ZFHX4: variants seen among roughly 807,000 people sequenced by gnomAD.
ZFHX4 encodes zinc finger homeobox protein 4.
In ZFHX4, 56 loss-of-function variants were observed where a neutral mutation model predicts 267.6. That is an observed-to-expected ratio of 0.21 (90% CI 0.17 to 0.26). ZFHX4 has a LOEUF of 0.26. Ranked by LOEUF, ZFHX4 falls within the 10% of genes least tolerant of loss-of-function variation. The pLI is 1.00. For missense variants in ZFHX4, 4,332 were observed against 4,420.0 expected, an observed-to-expected ratio of 0.98 and a Z score of 0.56; for synonymous variants, 1,778 against 1,665.6, an observed-to-expected ratio of 1.07 and a Z score of -1.64.
At chr8:76,804,482 C>T (rs1273472778) in intron 4 of ZFHX4, among the ~76,000 whole-genome samples, 2 of 151,986 alleles carry the variant, frequency 1.3e-5, no homozygotes, top group Non-Finnish European at 2.9e-5. Context: ...TAAATACTTC[C>T]ACTTAAAACA....
At chr8:76,766,411 G>A (rs904816965) in intron 3 of ZFHX4, among the ~76,000 whole-genome samples, 5 of 152,014 alleles carry the variant, frequency 3.3e-5, no homozygotes, top group Non-Finnish European at 5.9e-5. Context: ...TATTTAAAAC[G>A]ATCTGTTCCA....
intron 3 of ZFHX4, among the ~76,000 whole-genome samples, chr8:76,721,094 T>G (rs1351119751): frequency 6.6e-6 from 1 of 152,102 alleles, no homozygotes; most frequent in East Asian, 1.9e-4. Flanking sequence ...GAGGGGGACA[T>G]GTATCTCCTG....
chr8:76,718,935 T>TCACACACACACACA (rs34486060), intron 3 of ZFHX4, among the ~76,000 whole-genome samples: 15 of 141,370 alleles, frequency 1.1e-4, no homozygotes, highest in Non-Finnish European at 1.4e-4. Context: ...CTGAAATTGA[T>TCACACACACACACA]CACACACACA....
intron 4 of ZFHX4, among the ~76,000 whole-genome samples, chr8:76,822,452 C>CTTTTTTT (rs5892566): frequency 1.0e-4 from 12 of 116,132 alleles, no homozygotes; most frequent in African/African-American, 2.6e-4. Flanking sequence ...GTGTCTACCT[C>CTTTTTTT]TTTTTTTTTT....
At chr8:76,687,639 A>G (rs1807724874) in intron 1 of ZFHX4, among the ~76,000 whole-genome samples, 1 of 152,184 alleles carries the variant, frequency 6.6e-6, no homozygotes, top group African/African-American at 2.4e-5. Context: ...GGTTAACATA[A>G]TCATATTTAA....
chr8:76,736,973 C>T (rs192853087), intron 3 of ZFHX4, among the ~76,000 whole-genome samples: 13 of 152,166 alleles, frequency 8.5e-5, no homozygotes, highest in African/African-American at 3.1e-4. Context: ...CAAACATGAG[C>T]ATTTAACCTA....
At chr8:76,713,270 G>GATAGAA (rs1563478848) in intron 3 of ZFHX4, among the ~76,000 whole-genome samples, 6 of 130,776 alleles carry the variant, frequency 4.6e-5, no homozygotes, top group African/African-American at 1.9e-4. Flanking sequence ...AAAGGATAGA[G>GATAGAA]AGATAGATAG....
chr8:76,704,814 C>T lies in ZFHX4; in HGVS notation c.726C>T (p.Thr242=). 6.2e-7 allele frequency: 1 copy of T among 1,614,112 alleles called. No individual in the cohort carries two copies. The highest frequency in any genetic ancestry group is 1.7e-5 in the Admixed American group (1 of 60,010). ...ACAAGAGAGAGAAAGACTATCTAACCAGTGATGGCTCAGCCAAAAACTCCT... is the reference window on the plus strand; with the variant it reads ...ACAAGAGAGAGAAAGACTATCTAACTAGTGATGGCTCAGCCAAAAACTCCT... ...LRHKREKDYL[T]SDGSAKNSCV... The change falls in exon 2 of 11, where the codon ACC becomes ACT. Residue 242 remains threonine (T), a synonymous_variant. Transcript: ENST00000651372.
Position 76,856,289 on chromosome 8 carries a change from A to G in ZFHX4, c.9368A>G (p.Gln3123Arg), listed in dbSNP as rs1484758590. 9.9e-6 allele frequency: 16 copies of G among 1,613,772 alleles called. No homozygotes were observed. The highest frequency in any genetic ancestry group is 1.2e-5 in the Non-Finnish European group (14 of 1,179,850). ...NGPSSLPGFP[Q>R]NSNTLTPPGA... Reference sequence around the variant, plus strand: ...CCATCCTCCTTGCCGGGATTTCCACAAAATTCAAACAGTAAGTCATTTAAA... The same window carrying G: ...CCATCCTCCTTGCCGGGATTTCCACGAAATTCAAACAGTAAGTCATTTAAA... Residue 3123 changes from glutamine (Q) to arginine (R), a missense_variant, in exon 10 of 11, where the codon CAA becomes CGA. Physicochemically the swap from Gln to Arg is conservative, Grantham distance 43. This residue lies in a region of ZFHX4 where 1,648 missense variants were observed against 1,625.0 expected (regional missense o/e 1.01). Transcript: ENST00000651372.
In ZFHX4 at chr8:76,853,334, A is replaced by G. The variant is rs1406925919; in HGVS notation, c.6413A>G (p.Asp2138Gly). Reference protein sequence around the residue: ...QFKRPRTRITDDQLKILRAYF... With the variant: ...QFKRPRTRITGDQLKILRAYF... ...AAACGCCCACGGACAAGAATTACAG[A>G]TGATCAGCTAAAAATCCTGAGGGCT... is the stretch of plus-strand genomic sequence containing the variant. The change falls in exon 10 of 11, where the codon GAT (aspartate) becomes GGT (glycine). Residue 2138 changes from aspartate (D) to glycine (G), a missense_variant. By Grantham distance (94) the Asp-to-Gly change is moderately conservative. Around this residue, in one of 7 missense-constraint regions of ZFHX4, gnomAD observed 48 missense variants for 95.4 expected, o/e 0.50. Coordinates refer to ENST00000651372, the MANE Select transcript of ZFHX4 (RefSeq NM_024721.5). 1 of 1,613,832 alleles carries G rather than the reference A, an allele frequency of 6.2e-7. No individual in the cohort carries two copies. The highest frequency in any genetic ancestry group is 8.5e-7 in the Non-Finnish European group (1 of 1,179,832).
chr8:76,801,151 T>A (rs1811107847), intron 4 of ZFHX4, among the ~76,000 whole-genome samples: 1 of 152,140 alleles, frequency 6.6e-6, no homozygotes, highest in African/African-American at 2.4e-5. Flanking sequence ...TTGAGCCTTC[T>A]AACTTTTCTT....
chr8:76,803,086 C>T (rs899416997), intron 4 of ZFHX4, among the ~76,000 whole-genome samples: 10 of 152,078 alleles, frequency 6.6e-5, no homozygotes, highest in African/African-American at 2.4e-4. Context: ...TTCCTGTCAG[C>T]ACACTTGAGC....
chr8:76,743,584 G>T (rs1316006738), intron 3 of ZFHX4, among the ~76,000 whole-genome samples: 1 of 152,182 alleles, frequency 6.6e-6, no homozygotes, highest in Non-Finnish European at 1.5e-5. Flanking sequence ...ATGAAATCTG[G>T]TAAAGGAGCT....
At chr8:76,682,286 C>T (rs1807555235) in intron 1 of ZFHX4, among the ~76,000 whole-genome samples, 1 of 152,180 alleles carries the variant, frequency 6.6e-6, no homozygotes, top group Non-Finnish European at 1.5e-5. Flanking sequence ...CTCCTTTTAC[C>T]ACCCGCCCCT....
chr8:76,770,500 T>C (rs79119943), intron 3 of ZFHX4, among the ~76,000 whole-genome samples: 10,339 of 152,200 alleles, frequency 0.068, 426 homozygotes, highest in Middle Eastern at 0.13. Context: ...ACCACATTTA[T>C]TGAGCATATA....
chr8:76,787,740 G>A (rs1238402731), intron 4 of ZFHX4, among the ~76,000 whole-genome samples: 1 of 151,902 alleles, frequency 6.6e-6, no homozygotes, highest in African/African-American at 2.4e-5. Flanking sequence ...GTGAACCCGG[G>A]AGGCAGAGGT....
intron 8 of ZFHX4, 46 bp from the exon 9 acceptor site, chr8:76,850,199 G>T (rs1285569907): frequency 1.4e-6 from 2 of 1,433,042 alleles, no homozygotes; most frequent in South Asian, 2.5e-5. Context: ...GATGGAATTT[G>T]TGATTTCTGG....
At chr8:76,697,157 ATTGTTTT>A (rs2131592849) in intron 1 of ZFHX4, among the ~76,000 whole-genome samples, 1 of 152,068 alleles carries the variant, frequency 6.6e-6, no homozygotes, top group African/African-American at 2.4e-5. Flanking sequence ...TAATTATACA[ATTGTTTT>A]TTCTTTGAAA....
chr8:76,782,576 C>T (rs2131783990), intron 4 of ZFHX4, among the ~76,000 whole-genome samples: 1 of 151,956 alleles, frequency 6.6e-6, no homozygotes, highest in Admixed American at 6.6e-5. Context: ...AACCTTTCTG[C>T]CTTCCATTTA....
Sources: allele counts gnomAD v4.1 joint callset (sites outside exome capture counted in the v4.1 genomes callset), GRCh38; gene constraint gnomAD v4.1.1; regional missense constraint gnomAD v4.1.1; transcripts MANE v1.5; gene names NCBI Gene and HGNC (gene_info 2026-07-23, HGNC 2026-07-21).